The following MUSK variants were observed in gnomAD, a reference collection of about 807,000 sequenced individuals.
MUSK encodes the protein muscle associated receptor tyrosine kinase, also known as muscle, skeletal receptor tyrosine-protein kinase.
MUSK carries 55 observed loss-of-function variants against 88.7 expected under a neutral mutation model. That is an observed-to-expected ratio of 0.62 (90% CI 0.50 to 0.78). The LOEUF (loss-of-function observed/expected upper bound fraction) is 0.78, where lower values mean the gene tolerates loss of function less well. Among genes scored for constraint, MUSK ranks in the 30% least tolerant of loss-of-function variants. The probability of loss-of-function intolerance (pLI) is 0.00; values close to 1 mark genes in which losing one functional copy is unlikely to be tolerated. For missense variants in MUSK, 1,015 were observed against 1,074.3 expected (o/e 0.94, Z 0.77); for synonymous variants, 387 against 391.9 (o/e 0.99, Z 0.15).
chr9:110,688,399 A>G (rs2076225462), intron 3 of MUSK, among the ~76,000 whole-genome samples: 2 of 151,992 alleles, frequency 1.3e-5, no homozygotes, highest in Non-Finnish European at 2.9e-5. Flanking sequence ...CTCTATGTAC[A>G]CACGTATGTA....
At chr9:110,766,473 A>G (rs187488301) in intron 8 of MUSK, among the ~76,000 whole-genome samples, 5 of 152,316 alleles carry the variant, frequency 3.3e-5, no homozygotes, top group African/African-American at 1.2e-4. Context: ...TTGGCTAATT[A>G]GAAAAAGGCC....
At chr9:110,711,037 G>A (rs562051160) in intron 5 of MUSK, among the ~76,000 whole-genome samples, 2 of 152,194 alleles carry the variant, frequency 1.3e-5, no homozygotes, top group Admixed American at 6.5e-5. Flanking sequence ...CTCATAGGTG[G>A]GAATTGAACA....
intron 9 of MUSK, among the ~76,000 whole-genome samples, chr9:110,772,549 A>C: frequency 6.6e-6 from 1 of 152,090 alleles, no homozygotes; most frequent in East Asian, 1.9e-4. Context: ...TATTTTATAG[A>C]GGTTTTTTCT....
Position 110,801,017 on chromosome 9 carries a change from A to G in MUSK, c.*29A>G. Reference sequence around the variant, plus strand: ...TGAAGACGTTCAAATAAAATGCTGCAGTTTCCTCTCAGACTCTGTGAGCCA... The same window carrying G: ...TGAAGACGTTCAAATAAAATGCTGCGGTTTCCTCTCAGACTCTGTGAGCCA... On this transcript the variant is annotated 3_prime_UTR_variant, in exon 15 of 15. Coordinates refer to ENST00000374448, the MANE Select transcript of MUSK (RefSeq NM_005592.4). 1 of 1,486,952 alleles carries G rather than the reference A, an allele frequency of 6.7e-7. No individual in the cohort carries two copies. The highest frequency in any genetic ancestry group is 2.3e-5 in the East Asian group (1 of 43,554). The allele number at this position is 1,486,952 out of a possible 1,614,324, so 92.1% of individuals were successfully genotyped here. A position where few individuals can be genotyped will look rare whatever the true frequency, so the allele number is the denominator to read the frequency against.
chr9:110,702,880 G>T (rs1045677410), intron 5 of MUSK, among the ~76,000 whole-genome samples: 5 of 151,820 alleles, frequency 3.3e-5, no homozygotes, highest in African/African-American at 1.2e-4. Flanking sequence ...GCAACAGAGT[G>T]AGACCCTGTC....
Position 110,805,690 on chromosome 9 carries a change from T to C in MUSK, c.*4702T>C, listed in dbSNP as rs570478797. 3.9e-5 allele frequency among the ~76,000 whole-genome samples: 6 copies of C among 152,138 alleles called. No homozygotes were observed. Among genetic ancestry groups the C allele is most frequent in the Non-Finnish European group, 8.8e-5 (6 of 67,852 alleles). ...GTCCATTCAGATGATTGTGGCTTTT[T>C]TCCCTAATGGATTTGTTAATATGTT... is the stretch of plus-strand genomic sequence containing the variant. On this transcript the variant is annotated 3_prime_UTR_variant, in exon 15 of 15. Transcript: ENST00000374448.
chr9:110,744,744 G>A (rs930874768), intron 6 of MUSK, among the ~76,000 whole-genome samples: 3 of 152,134 alleles, frequency 2.0e-5, no homozygotes, highest in African/African-American at 7.2e-5. Flanking sequence ...CACACCCAGA[G>A]CAGGGAGCTG....
chr9:110,748,715 T>C (rs1158947869), intron 7 of MUSK, among the ~76,000 whole-genome samples: 1 of 152,200 alleles, frequency 6.6e-6, no homozygotes, highest in African/African-American at 2.4e-5. Flanking sequence ...CTGTTTCTTA[T>C]TACAGTGCCA....
intron 1 of MUSK, among the ~76,000 whole-genome samples, chr9:110,681,325 T>C (rs1447500116): frequency 2.0e-5 from 3 of 149,132 alleles, no homozygotes; most frequent in Non-Finnish European, 4.4e-5. Context: ...AACTTTTTTA[T>C]TTACTCCTTT....
At chr9:110,726,862 T>TC (rs1444443967) in intron 5 of MUSK, among the ~76,000 whole-genome samples, 1 of 152,070 alleles carries the variant, frequency 6.6e-6, no homozygotes, top group East Asian at 1.9e-4. Context: ...ATTTTTCAAG[T>TC]CTAATCTGGC....
chr9:110,800,691 A>C lies in MUSK; in HGVS notation c.2313A>C (p.Pro771=). ...CTATCCCTATCCGTTGGATGCCACC[A>C]GAGTCCATTTTTTATAACCGCTACA... ...NDAIPIRWMP[P]ESIFYNRYTT... Residue 771 remains proline, a synonymous_variant, in exon 15 of 15, where the codon CCA becomes CCC. Coordinates refer to ENST00000374448, the MANE Select transcript of MUSK (RefSeq NM_005592.4). 6.2e-7 allele frequency: 1 copy of C among 1,614,008 alleles called. No homozygotes were observed. Among genetic ancestry groups the C allele is most frequent in the Non-Finnish European group, 8.5e-7 (1 of 1,179,888 alleles).
chr9:110,801,256 C>G lies in MUSK; in HGVS notation c.*268C>G. ...CTTCTTCATGAAGGTTTGTAATACACACTGCACAGGGAAGAATGTCATCCT... is the reference window on the plus strand; with the variant it reads ...CTTCTTCATGAAGGTTTGTAATACAGACTGCACAGGGAAGAATGTCATCCT... On this transcript the variant is annotated 3_prime_UTR_variant, in exon 15 of 15. Coordinates refer to ENST00000374448, the MANE Select transcript of MUSK (RefSeq NM_005592.4). 1 of 325,838 alleles carries G rather than the reference C, an allele frequency of 3.1e-6. No homozygotes were observed. The highest frequency in any genetic ancestry group is 5.6e-6 in the Non-Finnish European group (1 of 177,884). 20.2% of individuals were successfully genotyped at this position (325,838 alleles called of 1,614,324 possible).
intron 5 of MUSK, among the ~76,000 whole-genome samples, chr9:110,703,175 A>G (rs1214619492): frequency 1.3e-5 from 2 of 152,196 alleles, no homozygotes; most frequent in Non-Finnish European, 2.9e-5. Context: ...ACCACATAAC[A>G]TCATAGAAAT....
rs556234461 is a variant in MUSK at position 110,716,198 on chromosome 9, C to T, written c.629-18053C>T. 2.1e-3 allele frequency among the ~76,000 whole-genome samples: 311 copies of T among 149,948 alleles called. 5 individuals carry two copies. The highest frequency in any genetic ancestry group is 3.7e-3 in the Non-Finnish European group (248 of 67,890). ...GGTGCAAAAGAAATAATGGCAAAAA[C>T]TGCAATTACTTTTTTTGCACTAACC... On this transcript the variant is annotated intron_variant, in intron 5 of 14. Coordinates refer to ENST00000374448, the MANE Select transcript of MUSK (RefSeq NM_005592.4).
At chr9:110,681,149 A>ATATATT (rs2076130034) in intron 1 of MUSK, among the ~76,000 whole-genome samples, 2 of 76,610 alleles carry the variant, frequency 2.6e-5, no homozygotes, top group African/African-American at 4.9e-5. Context: ...GGATCGTTAT[A>ATATATT]ATATATATTA....
chr9:110,682,872 T>C, intron 2 of MUSK, 72 bp downstream of exon 2: 2 of 1,099,996 alleles, frequency 1.8e-6, no homozygotes, highest in Non-Finnish European at 2.5e-6. Context: ...TGTATATATT[T>C]ATGAAGTAGA....
At chr9:110,784,148 C>G (rs1223151083) in intron 11 of MUSK, among the ~76,000 whole-genome samples, 2 of 151,944 alleles carry the variant, frequency 1.3e-5, no homozygotes, top group African/African-American at 4.8e-5. Flanking sequence ...CTCTGTATCC[C>G]TGTTTTTGTC....
intron 5 of MUSK, among the ~76,000 whole-genome samples, chr9:110,729,681 C>A (rs1005687930): frequency 2.6e-5 from 4 of 151,820 alleles, no homozygotes; most frequent in Non-Finnish European, 5.9e-5. Flanking sequence ...ACCTAAAAAC[C>A]CTTTTCAAAG....
At chr9:110,781,132 C>T (rs992825698) in intron 11 of MUSK, among the ~76,000 whole-genome samples, 8 of 152,192 alleles carry the variant, frequency 5.3e-5, no homozygotes, top group African/African-American at 1.9e-4. Flanking sequence ...TTTAGAAAGG[C>T]ATCACATCTG....
Sources: allele counts gnomAD v4.1 joint callset (sites outside exome capture counted in the v4.1 genomes callset), GRCh38; gene constraint gnomAD v4.1.1; transcripts MANE v1.5; gene names NCBI Gene and HGNC (gene_info 2026-07-23, HGNC 2026-07-21).